Variants in NAALADL2 observed in about 807,000 individuals in gnomAD.
The protein encoded by NAALADL2 is N-acetylated alpha-linked acidic dipeptidase like 2.
Under a neutral mutation model 87.2 loss-of-function variants are expected in NAALADL2, and 76 were observed. The observed-to-expected ratio is 0.87, with a 90% CI of 0.72 to 1.05. The LOEUF is 1.05. Among genes scored for constraint, NAALADL2 ranks in the 50% least tolerant of loss-of-function variants. NAALADL2 has a pLI of 0.00. For synonymous variants in NAALADL2, 354 were observed against 331.0 expected (o/e 1.07, Z -0.75); for missense variants, 1,089 against 945.8 (o/e 1.15, Z -1.99).
At chr3:175,657,705 C>G (rs940820722) in intron 11 of NAALADL2, among the ~76,000 whole-genome samples, 2 of 151,776 alleles carry the variant, frequency 1.3e-5, no homozygotes, top group Non-Finnish European at 2.9e-5. Flanking sequence ...CTCAGCCTCC[C>G]AAGTAGCTGG....
chr3:174,654,994 C>T (rs1057130336), intron 2 of NAALADL2, among the ~76,000 whole-genome samples: 1 of 152,156 alleles, frequency 6.6e-6, no homozygotes, highest in Non-Finnish European at 1.5e-5. Flanking sequence ...CTTGGCTTCC[C>T]AAAGTGCTGG....
At chr3:174,981,503 C>T (rs1338593639) in intron 1 of NAALADL2, among the ~76,000 whole-genome samples, 1 of 152,010 alleles carries the variant, frequency 6.6e-6, no homozygotes, top group African/African-American at 2.4e-5. Flanking sequence ...AGAGAAACCG[C>T]CAAAAGGTGG....
intron 12 of NAALADL2, among the ~76,000 whole-genome samples, chr3:175,742,072 G>C (rs992399179): frequency 6.6e-6 from 1 of 152,234 alleles, no homozygotes; most frequent in East Asian, 1.9e-4. Context: ...AGGAATAGTC[G>C]CTTATGCCTT....
intron 5 of NAALADL2, among the ~76,000 whole-genome samples, chr3:175,358,300 A>G (rs901425925): frequency 6.6e-6 from 1 of 152,146 alleles, no homozygotes; most frequent in Non-Finnish European, 1.5e-5. Flanking sequence ...AGCTTATAAT[A>G]TAAAATTCAT....
intron 1 of NAALADL2, among the ~76,000 whole-genome samples, chr3:175,057,664 G>A (rs1712506002): frequency 6.6e-6 from 1 of 152,146 alleles, no homozygotes; most frequent in African/African-American, 2.4e-5. Context: ...GCCTTAGGTG[G>A]CTGTGTAACA....
intron 2 of NAALADL2, among the ~76,000 whole-genome samples, chr3:174,635,818 A>G (rs57232863): frequency 1.3e-5 from 2 of 151,980 alleles, no homozygotes; most frequent in African/African-American, 4.8e-5. Flanking sequence ...TCACATTGTT[A>G]TTGTTTACTA....
At chr3:175,241,563 T>A (rs1281006639) in intron 3 of NAALADL2, among the ~76,000 whole-genome samples, 1 of 152,182 alleles carries the variant, frequency 6.6e-6, no homozygotes, top group Non-Finnish European at 1.5e-5. Context: ...ACCATGGGGC[T>A]AGTTTCTACA....
intron 1 of NAALADL2, among the ~76,000 whole-genome samples, chr3:175,078,405 A>G (rs1415406049): frequency 6.6e-6 from 1 of 151,548 alleles, no homozygotes; most frequent in East Asian, 1.9e-4. Context: ...AGTATGTAAT[A>G]ATTTTAAAAA....
At chr3:175,427,342 A>C (rs1716987929) in intron 5 of NAALADL2, among the ~76,000 whole-genome samples, 1 of 152,208 alleles carries the variant, frequency 6.6e-6, no homozygotes, top group Non-Finnish European at 1.5e-5. Flanking sequence ...GCAATTAAGC[A>C]GCTTAAATCC....
chr3:175,221,529 G>A (rs1235529138), intron 2 of NAALADL2, among the ~76,000 whole-genome samples: 1 of 151,964 alleles, frequency 6.6e-6, no homozygotes, highest in East Asian at 1.9e-4. Flanking sequence ...ATTCTATTAT[G>A]TACAGAGGAG....
At chr3:175,006,889 T>C (rs1385377761) in intron 1 of NAALADL2, among the ~76,000 whole-genome samples, 1 of 151,486 alleles carries the variant, frequency 6.6e-6, no homozygotes, top group African/African-American at 2.4e-5. Context: ...TGCATTCTTA[T>C]ACGTATATAG....
Position 175,700,397 on chromosome 3 carries a change from G to C in NAALADL2, c.1897-36909G>C, listed in dbSNP as rs866576493. ...AAACCTTATATATTCAGAGAAAAAAGGCTACTGCAGCAAATTTAATTAAAA... is the reference window on the plus strand; with the variant it reads ...AAACCTTATATATTCAGAGAAAAAACGCTACTGCAGCAAATTTAATTAAAA... On this transcript the variant is annotated intron_variant, in intron 11 of 13. Transcript: ENST00000454872. Among the ~76,000 whole-genome samples, 30 of 152,190 alleles carry C rather than the reference G, an allele frequency of 2.0e-4. 1 individual carries two copies. Among genetic ancestry groups the C allele is most frequent in the South Asian group, 6.2e-4 (3 of 4,826 alleles).
chr3:174,529,220 T>C (rs1056038361), intron 1 of NAALADL2, among the ~76,000 whole-genome samples: 2 of 152,228 alleles, frequency 1.3e-5, no homozygotes, highest in African/African-American at 2.4e-5. Flanking sequence ...ACAGGCCCCA[T>C]GCAAGTCCGA....
chr3:175,355,124 A>G (rs1269819666), intron 5 of NAALADL2, among the ~76,000 whole-genome samples: 1 of 149,054 alleles, frequency 6.7e-6, no homozygotes, highest in African/African-American at 2.5e-5. Context: ...GCTGGAGTGC[A>G]GTTGCATGAT....
intron 5 of NAALADL2, among the ~76,000 whole-genome samples, chr3:175,421,057 T>A (rs1021182722): frequency 6.6e-6 from 1 of 152,026 alleles, no homozygotes; most frequent in Non-Finnish European, 1.5e-5. Context: ...TCTTGATTGT[T>A]GCATTTAGTT....
At chr3:175,556,848 T>C (rs770117151) in intron 9 of NAALADL2, among the ~76,000 whole-genome samples, 44 of 152,194 alleles carry the variant, frequency 2.9e-4, no homozygotes, top group Admixed American at 2.0e-3. Context: ...AATTTTCAGA[T>C]GGTTTTAACA....
rs150697948 is a variant in NAALADL2, at chr3:175,558,882, G to C, written c.1654-17159G>C. On this transcript the variant is annotated intron_variant, in intron 9 of 13. Transcript: ENST00000454872. ...TGGTTCTTCCAGTTTTGTTCTTTTT[G>C]CTTAGAATAGCTTTGGCTATTCTGG... 7.7e-3 allele frequency among the ~76,000 whole-genome samples: 1,173 copies of C among 151,984 alleles called. 35 individuals carry two copies. The highest frequency in any genetic ancestry group is 0.057 in the Admixed American group (872 of 15,262).
chr3:175,000,154 T>G (rs931380283), intron 1 of NAALADL2, among the ~76,000 whole-genome samples: 1 of 152,214 alleles, frequency 6.6e-6, no homozygotes, highest in African/African-American at 2.4e-5. Flanking sequence ...TGAACCAGGT[T>G]CTTTGTTAGG....
At chr3:175,299,645 G>A (rs1165662970) in intron 4 of NAALADL2, among the ~76,000 whole-genome samples, 1 of 152,170 alleles carries the variant, frequency 6.6e-6, no homozygotes, top group African/African-American at 2.4e-5. Context: ...CATTGATTTT[G>A]TATCCTGAGA....
Sources: gnomAD v4.1 joint callset for allele counts (sites outside exome capture counted in the v4.1 genomes callset) on GRCh38, gnomAD v4.1.1 for gene constraint, MANE v1.5 for transcripts, NCBI Gene and HGNC (gene_info 2026-07-23, HGNC 2026-07-21) for gene names.